The following DBNDD1 variants were observed in gnomAD, a reference collection of about 807,000 sequenced individuals.
DBNDD1 encodes the protein dysbindin domain containing 1.
In DBNDD1, 14 loss-of-function variants were observed where a neutral mutation model predicts 17.0. The observed-to-expected ratio is 0.82, with a 90% CI of 0.54 to 1.29. The LOEUF (loss-of-function observed/expected upper bound fraction) is 1.29. DBNDD1 is among the 50% of genes most tolerant of loss of function. DBNDD1 has a pLI of 0.00. For synonymous variants in DBNDD1, 105 were observed against 102.0 expected (o/e 1.03, Z -0.18); for missense variants, 221 against 216.2 (o/e 1.02, Z -0.14).
intron 1 of DBNDD1, among the ~76,000 whole-genome samples, chr16:90,017,708 CAG>C (rs1456652172): frequency 6.6e-6 from 1 of 152,190 alleles, no homozygotes. Flanking sequence ...TAAGTAATGA[CAG>C]AGTCACCAAT....
chr16:90,015,839 C>A (rs963719818), intron 1 of DBNDD1, among the ~76,000 whole-genome samples: 2 of 150,856 alleles, frequency 1.3e-5, no homozygotes, highest in African/African-American at 4.9e-5. Flanking sequence ...TCGTCAGAGG[C>A]TGGGGGGTGG....
In DBNDD1 at chr16:90,005,701, T is replaced by A. The variant is rs1284856299; in HGVS notation, c.*634A>T. On this transcript the variant is annotated 3_prime_UTR_variant, in exon 4 of 4. Transcript: ENST00000002501. ...AGGGGCCAAGAGAAGCAGGTGCAGG[T>A]CTTAGAGCTGAGCCTTGGGGAGGGG... The A allele has an allele frequency of 1.3e-5, 2 of 152,840 alleles. No individual in the cohort carries two copies. The highest frequency in any genetic ancestry group is 2.9e-5 in the Non-Finnish European group (2 of 68,540). The allele number at this position is 152,840 out of a possible 1,614,324, so 9.5% of individuals were successfully genotyped here.
rs1386727750 is a variant in DBNDD1, at chr16:90,006,230, G to A, written c.*105C>T. ...GGGTGTGTGTCAGGAGGTGACGGCT[G>A]GAGCCTCGTGGGCGGGTGAAGTGTG... On this transcript the variant is annotated 3_prime_UTR_variant, in exon 4 of 4. Transcript: ENST00000002501. 1.4e-6 allele frequency: 2 copies of A among 1,427,370 alleles called. No homozygotes were observed. The highest frequency in any genetic ancestry group is 5.0e-5 in the East Asian group (2 of 39,946). The allele number at this position is 1,427,370 out of a possible 1,614,324, so 88.4% of individuals were successfully genotyped here.
chr16:90,014,240 C>T (rs1468948443), intron 1 of DBNDD1, among the ~76,000 whole-genome samples: 2 of 151,998 alleles, frequency 1.3e-5, no homozygotes, highest in African/African-American at 4.8e-5. Flanking sequence ...GATCCTCTTG[C>T]CTCAGCCTCC....
chr16:90,011,659 G>C (rs2035557870), intron 1 of DBNDD1: 1 of 455,040 alleles, frequency 2.2e-6, no homozygotes, highest in African/African-American at 2.0e-5. Context: ...GCTGGACGGG[G>C]CTCTCGCGGA....
chr16:90,012,476 T>G (rs1280397207), intron 1 of DBNDD1, among the ~76,000 whole-genome samples: 1 of 150,450 alleles, frequency 6.6e-6, no homozygotes, highest in South Asian at 2.1e-4. Flanking sequence ...TTTTTTTTTT[T>G]GAGATGGAGT....
chr16:90,008,585 G>C lies in DBNDD1; in HGVS notation c.319+199C>G, dbSNP rs60336393. Among the ~76,000 whole-genome samples, 33 of 43,254 alleles carry C rather than the reference G, an allele frequency of 7.6e-4. 1 individual carries two copies. Among genetic ancestry groups the C allele is most frequent in the Non-Finnish European group, 8.8e-4 (14 of 15,960 alleles). The allele number at this position is 43,254 out of a possible 152,430, so 28.4% of individuals were successfully genotyped here. Reference sequence around the variant, plus strand: ...TTCCCAAGGGGCCTCAGCCCACCACGCACACCTCTCAGGACTTCCCAAGGG... The same window carrying C: ...TTCCCAAGGGGCCTCAGCCCACCACCCACACCTCTCAGGACTTCCCAAGGG... On this transcript the variant is annotated intron_variant, in intron 3 of 3. Coordinates refer to ENST00000002501, the MANE Select transcript of DBNDD1 (RefSeq NM_001042610.3).
Position 90,009,748 on chromosome 16 carries a change from G to A in DBNDD1, c.32-318C>T, listed in dbSNP as rs543215690. ...GCGTGGAAGTCCCACCAGGGCCCGC[G>A]TGGCTGCATTCCAGTGCCGTCCTGG... On this transcript the variant is annotated intron_variant, in intron 1 of 3. Transcript: ENST00000002501. 4.4e-4 allele frequency: 280 copies of A among 640,952 alleles called. 5 individuals are homozygous for A. The South Asian group carries it at 4.9e-3, about 11-fold the overall frequency. 39.7% of individuals were successfully genotyped at this position (640,952 alleles called of 1,614,324 possible).
rs368967036 is a variant in DBNDD1, at chr16:90,017,368, G to A, written c.31+1943C>T. 5.1e-4 allele frequency among the ~76,000 whole-genome samples: 78 copies of A among 152,196 alleles called. 1 individual carries two copies. The highest frequency in any genetic ancestry group is 1.8e-3 in the African/African-American group (75 of 41,528). On this transcript the variant is annotated intron_variant, in intron 1 of 3. Coordinates refer to ENST00000002501, the MANE Select transcript of DBNDD1 (RefSeq NM_001042610.3). ...AAATCAGCCAGGTGTGGTGGCGGGC[G>A]CCTGTAGTCCCAGCCACTGGGGAGG...
At chr16:90,006,516 C>A in intron 3 of DBNDD1, 24 bp from the exon 4 acceptor site, 1 of 1,591,264 alleles carries the variant, frequency 6.3e-7, no homozygotes, top group Non-Finnish European at 8.5e-7. Flanking sequence ...GGAAGGGGAA[C>A]TCGGTGTGGC....
intron 3 of DBNDD1, 96 bp from the exon 4 acceptor site, chr16:90,006,588 C>T: frequency 1.4e-6 from 2 of 1,455,284 alleles, no homozygotes; most frequent in South Asian, 1.3e-5. Flanking sequence ...GCCACTCCTG[C>T]CAATGCTCTG....
At chr16:90,016,850 G>A (rs1345741059) in intron 1 of DBNDD1, among the ~76,000 whole-genome samples, 4 of 152,258 alleles carry the variant, frequency 2.6e-5, no homozygotes, top group Non-Finnish European at 4.4e-5. Context: ...TGAAGTGAAT[G>A]AATGAATATC....
In DBNDD1 at chr16:90,011,353, C is replaced by T. The variant is rs974478098; in HGVS notation, c.32-1923G>A. Among the ~76,000 whole-genome samples the T allele has an allele frequency of 2.0e-5, 3 of 152,334 alleles. No individual in the cohort carries two copies. The East Asian group carries it at 5.8e-4, about 29-fold the overall frequency. ...GCGTCCGTCCCGGTGCACCCCCACC[C>T]CTCCCCAGCAGAGCCAAGGGAGCTG... On this transcript the variant is annotated intron_variant, in intron 1 of 3. Coordinates refer to ENST00000002501, the MANE Select transcript of DBNDD1 (RefSeq NM_001042610.3).
intron 1 of DBNDD1, among the ~76,000 whole-genome samples, chr16:90,017,754 C>T (rs974435371): frequency 6.6e-6 from 1 of 152,182 alleles, no homozygotes; most frequent in Admixed American, 6.5e-5. Flanking sequence ...AAGTAGGCAT[C>T]ACTGGCCACT....
rs1409015647 is a variant in DBNDD1 at position 90,017,626 on chromosome 16, G to C, written c.31+1685C>G. The stretch of plus-strand genomic sequence containing the variant: ...CTGGAGAGGAGGCTGTGGGCCTGGG[G>C]GCTGGGATGTCACACATGGGCCTTT... On this transcript the variant is annotated intron_variant, in intron 1 of 3. Coordinates refer to ENST00000002501, the MANE Select transcript of DBNDD1 (RefSeq NM_001042610.3). Among the ~76,000 whole-genome samples the C allele has an allele frequency of 1.2e-4, 18 of 152,240 alleles. No individual in the cohort carries two copies. In the East Asian group the frequency reaches 3.1e-3, roughly 26 times the overall value.
In DBNDD1 at chr16:90,005,842, A is replaced by C; in HGVS notation, c.*493T>G. 1 of 160,450 alleles carries C rather than the reference A, an allele frequency of 6.2e-6. No individual in the cohort carries two copies. The highest frequency in any genetic ancestry group is 1.4e-5 in the Non-Finnish European group (1 of 72,022). The allele number at this position is 160,450 out of a possible 1,614,324, so 9.9% of individuals were successfully genotyped here. On this transcript the variant is annotated 3_prime_UTR_variant, in exon 4 of 4. Coordinates refer to ENST00000002501, the MANE Select transcript of DBNDD1 (RefSeq NM_001042610.3). ...TTGCTGGACAGCACATTGTCCCATT[A>C]GCCACTACCAAACCCGCCTCTGGCT...
At chr16:90,009,201 C>T in intron 2 of DBNDD1, 83 bp downstream of exon 2, 1 of 1,567,220 alleles carries the variant, frequency 6.4e-7, no homozygotes, top group Non-Finnish European at 8.6e-7. Flanking sequence ...AGTGTTTGGA[C>T]AGGAGGTGGA....
At chr16:90,011,821 G>C (rs1033145884) in intron 1 of DBNDD1, 2 of 343,256 alleles carry the variant, frequency 5.8e-6, no homozygotes, top group Non-Finnish European at 1.2e-5. Context: ...TGTGGACTCT[G>C]TTCTAAGGCT....
At chr16:90,008,713 C>G (rs2035488090) in intron 3 of DBNDD1, 71 bp downstream of exon 3, 1 of 1,483,950 alleles carries the variant, frequency 6.7e-7, no homozygotes. Context: ...CCACACACAC[C>G]TCCCAGGACT....
Sources: gnomAD v4.1 joint callset for allele counts (sites outside exome capture counted in the v4.1 genomes callset) on GRCh38, gnomAD v4.1.1 for gene constraint, MANE v1.5 for transcripts, NCBI Gene and HGNC (gene_info 2026-07-23, HGNC 2026-07-21) for gene names.